Variants in OTOGL observed in about 807,000 individuals in gnomAD.
The protein encoded by OTOGL is otogelin-like protein.
In OTOGL, 285 loss-of-function variants were observed where a neutral mutation model predicts 318.5. The ratio of observed to expected loss-of-function variants is 0.89; its 90% confidence interval spans 0.81 to 0.99. The LOEUF (loss-of-function observed/expected upper bound fraction) is 0.99, where lower values mean the gene tolerates loss of function less well. Ranked by LOEUF, OTOGL falls within the 50% of genes least tolerant of loss-of-function variation. The pLI is 0.00. For missense variants in OTOGL, 2,899 were observed against 2,845.6 expected (o/e 1.02, Z -0.43); for synonymous variants, 987 against 936.5 (o/e 1.05, Z -0.99).
intron 16 of OTOGL, among the ~76,000 whole-genome samples, chr12:80,256,021 G>A (rs1198128792): frequency 6.6e-6 from 1 of 151,552 alleles, no homozygotes; most frequent in East Asian, 1.9e-4. Flanking sequence ...CATAACTATT[G>A]GTACTTTACT....
Position 80,176,832 on chromosome 12 carries a change from AG to A in OTOGL, c.-19-32577del, listed in dbSNP as rs530239709. ...AAAAAATTGTCAAACTCTTTTCCAA[AG>A]GGGTTGTACCATTTTACGTTCTTAT... On this transcript the variant is annotated intron_variant, in intron 1 of 58. Coordinates refer to ENST00000547103, the MANE Select transcript of OTOGL (RefSeq NM_001378609.3). 1.8e-3 allele frequency among the ~76,000 whole-genome samples: 272 copies of A among 152,220 alleles called. 2 individuals carry two copies. Among genetic ancestry groups the A allele is most frequent in the African/African-American group, 6.4e-3 (266 of 41,538 alleles).
At chr12:80,211,403 ATGTT>A (rs1197602662) in intron 3 of OTOGL, among the ~76,000 whole-genome samples, 1 of 152,200 alleles carries the variant, frequency 6.6e-6, no homozygotes, top group African/African-American at 2.4e-5. Flanking sequence ...TAAAAATAAA[ATGTT>A]TATTGATAAA....
chr12:80,295,474 G>T (rs1885330952), intron 26 of OTOGL, among the ~76,000 whole-genome samples: 1 of 152,138 alleles, frequency 6.6e-6, no homozygotes. Flanking sequence ...ACCGCGTCTG[G>T]CCTATGATTG....
rs67970112 is a variant in OTOGL at position 80,267,407 on chromosome 12, ATT to A, written c.2465+86_2465+87del. The A allele has an allele frequency of 0.018, 11,001 of 604,362 alleles. 71 individuals carry two copies. Among genetic ancestry groups the A allele is most frequent in the Non-Finnish European group, 0.02 (8,948 of 442,998 alleles). The allele number at this position is 604,362 out of a possible 1,614,324, so 37.4% of individuals were successfully genotyped here. On this transcript the variant is annotated intron_variant, in intron 22 of 58. Transcript: ENST00000547103. ...TTCTTTCTTTTATATATATATATATATTTTTTTATTATACTTTAAGTTCTAGG... is the reference window on the plus strand; with the variant it reads ...TTCTTTCTTTTATATATATATATATATTTTTATTATACTTTAAGTTCTAGG...
At position 80,254,189 on chromosome 12, in the gene OTOGL, A is replaced by G. The variant is rs17006557; in HGVS notation, c.1395-335A>G. ...CACCTTTGTCAGGGTGGAAGGTAGA[A>G]TTTATCTGACATAAGAGGAGATCTC... On this transcript the variant is annotated intron_variant, in intron 14 of 58. Transcript: ENST00000547103. Among the ~76,000 whole-genome samples the G allele has an allele frequency of 6.0e-3, 920 of 152,106 alleles. 38 individuals are homozygous for G. In the East Asian group the frequency reaches 0.11, roughly 18 times the overall value.
intron 1 of OTOGL, among the ~76,000 whole-genome samples, chr12:80,150,725 C>G (rs1004622390): frequency 1.3e-4 from 20 of 152,162 alleles, no homozygotes; most frequent in Non-Finnish European, 2.6e-4. Flanking sequence ...AGCCCTTTCC[C>G]CAGGAAGATG....
At chr12:80,236,816 C>CTTTCT (rs1555281804) in intron 9 of OTOGL, among the ~76,000 whole-genome samples, 2 of 137,628 alleles carry the variant, frequency 1.5e-5, no homozygotes, top group African/African-American at 5.3e-5. Flanking sequence ...TTTTTCTTTT[C>CTTTCT]TTTTTTTTTT....
At chr12:80,219,263 C>CA (rs1488226844) in intron 5 of OTOGL, among the ~76,000 whole-genome samples, 1 of 152,132 alleles carries the variant, frequency 6.6e-6, no homozygotes, top group Non-Finnish European at 1.5e-5. Context: ...AGGCATGCAC[C>CA]ACCACACCCA....
chr12:80,149,660 C>A (rs1031314087), intron 1 of OTOGL, among the ~76,000 whole-genome samples: 3 of 152,242 alleles, frequency 2.0e-5, no homozygotes, highest in Non-Finnish European at 1.5e-5. Context: ...GGCGCCCCTC[C>A]CCCAGCCTCG....
chr12:80,117,225 A>G (rs1870220214), intron 1 of OTOGL, among the ~76,000 whole-genome samples: 1 of 150,590 alleles, frequency 6.6e-6, no homozygotes, highest in Non-Finnish European at 1.5e-5. Flanking sequence ...ACTACCATCT[A>G]TAAAATAGAG....
At chr12:80,214,794 C>G (rs1877558292) in intron 4 of OTOGL, among the ~76,000 whole-genome samples, 1 of 152,144 alleles carries the variant, frequency 6.6e-6, no homozygotes, top group African/African-American at 2.4e-5. Flanking sequence ...GCAATTGGTT[C>G]ATTGAATCCA....
chr12:80,328,878 C>A, intron 36 of OTOGL, 134 bp downstream of exon 36: 1 of 1,046,942 alleles, frequency 9.6e-7, no homozygotes, highest in Non-Finnish European at 1.4e-6. Flanking sequence ...ATGTCTCTTA[C>A]ATAGCTTTTT....
At chr12:80,341,125 C>T (rs1354269784) in intron 43 of OTOGL, among the ~76,000 whole-genome samples, 1 of 151,834 alleles carries the variant, frequency 6.6e-6, no homozygotes, top group Non-Finnish European at 1.5e-5. Flanking sequence ...GTCTTAAAGT[C>T]GGGTGGGATT....
At chr12:80,328,780 T>A (rs759335078) in intron 36 of OTOGL, 36 bp downstream of exon 36, 2 of 1,523,464 alleles carry the variant, frequency 1.3e-6, no homozygotes, top group Non-Finnish European at 1.8e-6. Flanking sequence ...CTCTGAAAAA[T>A]TATACGCTTG....
chr12:80,355,642 C>A (rs1889841915), intron 46 of OTOGL, 94 bp from the exon 47 acceptor site: 2 of 921,460 alleles, frequency 2.2e-6, no homozygotes, highest in Non-Finnish European at 3.3e-6. Flanking sequence ...CATTATGTCA[C>A]TGGGCCATGT....
At position 80,318,113 on chromosome 12, in the gene OTOGL, TC is replaced by T. The variant is rs551728594; in HGVS notation, c.3635-430del. 5.1e-3 allele frequency among the ~76,000 whole-genome samples: 771 copies of T among 152,186 alleles called. 9 individuals carry two copies. Among genetic ancestry groups the T allele is most frequent in the African/African-American group, 0.018 (743 of 41,522 alleles). ...CCTTTCCTAATTGGAAGACTTCTTA[TC>T]CCTCCAATCCAATTATCCTTTCCCC... On this transcript the variant is annotated intron_variant, in intron 32 of 58. Transcript: ENST00000547103.
chr12:80,356,279 C>T (rs1889892811), intron 47 of OTOGL, 137 bp from the exon 48 acceptor site: 1 of 661,486 alleles, frequency 1.5e-6, no homozygotes, highest in South Asian at 2.0e-5. Flanking sequence ...GGGTTAACTG[C>T]AGTGTAAAAA....
chr12:80,315,687 T>C (rs1469236170), intron 32 of OTOGL, among the ~76,000 whole-genome samples: 1 of 152,202 alleles, frequency 6.6e-6, no homozygotes, highest in Admixed American at 6.5e-5. Context: ...GTCAGCTAGA[T>C]AATTTTAGAG....
rs771677386 is a variant in OTOGL at position 80,313,631 on chromosome 12, T to C, written c.3606T>C (p.Cys1202=). Residue 1202 remains cysteine (C), a splice_region_variant and synonymous_variant, in exon 31 of 59, where the codon TGT becomes TGC. Transcript: ENST00000547103. ...ISIHWRSSTV[C]SLDCEYYNEG... is the part of the protein sequence containing the mutation. ...TTCATTGGAGATCATCTACTGTTTGTTGTAAGTACCCTACTTAGAACATCA... is the reference window on the plus strand; with the variant it reads ...TTCATTGGAGATCATCTACTGTTTGCTGTAAGTACCCTACTTAGAACATCA... 2 of 1,609,116 alleles carry C rather than the reference T, an allele frequency of 1.2e-6. No homozygotes were observed. Among genetic ancestry groups the C allele is most frequent in the Admixed American group, 1.7e-5 (1 of 59,610 alleles).
Sources: gnomAD v4.1 joint callset for allele counts (sites outside exome capture counted in the v4.1 genomes callset) on GRCh38, gnomAD v4.1.1 for gene constraint, MANE v1.5 for transcripts, NCBI Gene and HGNC (gene_info 2026-07-23, HGNC 2026-07-21) for gene names.